NRF1: variants seen among roughly 807,000 people sequenced by gnomAD.
The protein encoded by NRF1 is alpha palindromic-binding protein.
Under a neutral mutation model 58.5 loss-of-function variants are expected in NRF1, and 5 were observed. That is an observed-to-expected ratio of 0.09 (90% CI 0.04 to 0.18). NRF1 has a LOEUF of 0.18. Ranked by LOEUF, NRF1 falls within the 10% of genes least tolerant of loss-of-function variation. The pLI is 1.00. For synonymous variants in NRF1, 224 were observed against 246.7 expected (o/e 0.91, Z 0.86); for missense variants, 288 against 657.7 (o/e 0.44, Z 6.15).
chr7:129,627,563 AG>A (rs1414738821), intron 1 of NRF1, among the ~76,000 whole-genome samples: 1 of 152,106 alleles, frequency 6.6e-6, no homozygotes, highest in African/African-American at 2.4e-5. Context: ...AGACCTTTGT[AG>A]GACTCCAAGT....
At chr7:129,705,112 G>T (rs1003178026) in intron 5 of NRF1, among the ~76,000 whole-genome samples, 2 of 152,128 alleles carry the variant, frequency 1.3e-5, no homozygotes, top group Non-Finnish European at 2.9e-5. Flanking sequence ...TACTGGAGAA[G>T]TTGCTGAAAA....
chr7:129,670,520 C>T (rs771153922), intron 2 of NRF1, among the ~76,000 whole-genome samples: 13 of 152,146 alleles, frequency 8.5e-5, no homozygotes, highest in Admixed American at 2.0e-4. Context: ...TTTAGGTTTA[C>T]AGGGAGGTTT....
chr7:129,733,398 T>C (rs1562987478), intron 10 of NRF1, among the ~76,000 whole-genome samples: 2 of 147,848 alleles, frequency 1.4e-5, no homozygotes, highest in South Asian at 2.1e-4. Flanking sequence ...ACCTGGGAGG[T>C]GGAGTTTGCA....
intron 1 of NRF1, among the ~76,000 whole-genome samples, chr7:129,634,339 G>A (rs1801124780): frequency 6.6e-6 from 1 of 151,996 alleles, no homozygotes; most frequent in South Asian, 2.1e-4. Context: ...GTCTCCTGGT[G>A]CTCCTGTCTT....
intron 2 of NRF1, among the ~76,000 whole-genome samples, chr7:129,669,349 T>TTATAAAA (rs1801994942): frequency 6.6e-6 from 1 of 152,088 alleles, no homozygotes; most frequent in Admixed American, 6.6e-5. Flanking sequence ...AAGAAAAAAA[T>TTATAAAA]TATAAAATAT....
At chr7:129,637,510 A>G (rs1314630977) in intron 1 of NRF1, among the ~76,000 whole-genome samples, 4 of 152,252 alleles carry the variant, frequency 2.6e-5, no homozygotes, top group African/African-American at 9.6e-5. Flanking sequence ...AAATAAATCT[A>G]TAAAGCAGAA....
At position 129,705,904 on chromosome 7, in the gene NRF1, G is replaced by A. The variant is rs116314796; in HGVS notation, c.607-3171G>A. ...TGCATTGAACTGTGATCATGCCACT[G>A]CACTCCAGCCTGGGCCACAGAGCAA... On this transcript the variant is annotated intron_variant, in intron 5 of 10. Coordinates refer to ENST00000393232, the MANE Select transcript of NRF1 (RefSeq NM_005011.5). 4.1e-3 allele frequency among the ~76,000 whole-genome samples: 617 copies of A among 152,208 alleles called. 3 individuals are homozygous for A. The highest frequency in any genetic ancestry group is 0.014 in the African/African-American group (586 of 41,552).
At chr7:129,725,135 T>G (rs535947724) in intron 9 of NRF1, among the ~76,000 whole-genome samples, 1 of 152,240 alleles carries the variant, frequency 6.6e-6, no homozygotes, top group South Asian at 2.1e-4. Flanking sequence ...AATAGGAAGT[T>G]TAATGGTCCA....
intron 1 of NRF1, among the ~76,000 whole-genome samples, chr7:129,624,477 T>C (rs1406373832): frequency 2.0e-5 from 3 of 152,202 alleles, no homozygotes; most frequent in African/African-American, 7.2e-5. Context: ...CTATCTAACA[T>C]TTTATAATTT....
intron 4 of NRF1, among the ~76,000 whole-genome samples, chr7:129,678,531 C>T (rs1481902304): frequency 6.6e-6 from 1 of 151,958 alleles, no homozygotes; most frequent in East Asian, 1.9e-4. Context: ...TCTTCCTGTC[C>T]CTGAAATGTT....
chr7:129,632,360 G>A (rs575576775), intron 1 of NRF1, among the ~76,000 whole-genome samples: 8 of 152,202 alleles, frequency 5.3e-5, no homozygotes, highest in South Asian at 4.1e-4. Flanking sequence ...GAAGAGATTA[G>A]GGTTAAGTCC....
intron 1 of NRF1, chr7:129,633,911 A>G (rs777719382): frequency 1.7e-4 from 25 of 151,488 alleles, no homozygotes; most frequent in Non-Finnish European, 2.5e-4. Context: ...ATTCAGCATT[A>G]TATAACGGCA....
chr7:129,750,360 G>A (rs1002562172), intron 10 of NRF1, among the ~76,000 whole-genome samples: 3 of 152,138 alleles, frequency 2.0e-5, no homozygotes, highest in Non-Finnish European at 2.9e-5. Context: ...CTTAGGGCAC[G>A]CTGGGTTTCC....
chr7:129,613,886 A>C (rs1246064950), intron 1 of NRF1, among the ~76,000 whole-genome samples: 1 of 151,956 alleles, frequency 6.6e-6, no homozygotes, highest in Admixed American at 6.6e-5. Context: ...GCGCCATTGC[A>C]CTCCAGCCCG....
chr7:129,744,171 A>G lies in NRF1; in HGVS notation c.1349-10847A>G, dbSNP rs1481307435. On this transcript the variant is annotated intron_variant, in intron 10 of 10. Coordinates refer to ENST00000393232, the MANE Select transcript of NRF1 (RefSeq NM_005011.5). ...TTTTTAACAGTTCTGTGTTATTGTC[A>G]GGCCTCTTTATGGCAGATCGTGCAG... 5 of 1,478,384 alleles carry G rather than the reference A, an allele frequency of 3.4e-6. No individual in the cohort carries two copies. The South Asian group carries it at 4.9e-5, about 14-fold the overall frequency. 91.6% of individuals were successfully genotyped at this position (1,478,384 alleles called of 1,614,324 possible).
rs145535963 is a variant in NRF1 at position 129,704,559 on chromosome 7, A to G, written c.607-4516A>G. On this transcript the variant is annotated intron_variant, in intron 5 of 10. Transcript: ENST00000393232. Reference sequence around the variant, plus strand: ...ATAGATTGAGTACCCCCTGCCTGAAATGTTTGGGACCAGAAGTACGTTGGA... The same window carrying G: ...ATAGATTGAGTACCCCCTGCCTGAAGTGTTTGGGACCAGAAGTACGTTGGA... Among the ~76,000 whole-genome samples the G allele has an allele frequency of 9.1e-3, 1,392 of 152,300 alleles. 22 individuals carry two copies. The highest frequency in any genetic ancestry group is 0.031 in the African/African-American group (1,300 of 41,550).
Position 129,619,484 on chromosome 7 carries a change from G to GTA in NRF1, c.-7+7661_-7+7662insAT, listed in dbSNP as rs1271593762. Among the ~76,000 whole-genome samples the GTA allele has an allele frequency of 6.7e-3, 457 of 68,460 alleles. 4 individuals carry two copies. The highest frequency in any genetic ancestry group is 0.018 in the Middle Eastern group (2 of 112). The allele number at this position is 68,460 out of a possible 152,430, so 44.9% of individuals were successfully genotyped here. On this transcript the variant is annotated intron_variant, in intron 1 of 10. Coordinates refer to ENST00000393232, the MANE Select transcript of NRF1 (RefSeq NM_005011.5). ...CGTGTGTGTGTGTGTGTGTGTGTGT[G>GTA]TGTGTGTATATATATATATATATAT...
chr7:129,613,579 C>CA (rs1232184058), intron 1 of NRF1, among the ~76,000 whole-genome samples: 22 of 150,252 alleles, frequency 1.5e-4, no homozygotes, highest in East Asian at 5.8e-4. Flanking sequence ...GGCCCATGAC[C>CA]AAAAAAAACA....
chr7:129,694,445 A>T (rs1584647475), intron 5 of NRF1, among the ~76,000 whole-genome samples: 1 of 151,738 alleles, frequency 6.6e-6, no homozygotes, highest in Non-Finnish European at 1.5e-5. Context: ...GCTCACTGCA[A>T]CCTCCGCCTT....
Sources: allele counts gnomAD v4.1 joint callset (sites outside exome capture counted in the v4.1 genomes callset), GRCh38; gene constraint gnomAD v4.1.1; transcripts MANE v1.5; gene names NCBI Gene and HGNC (gene_info 2026-07-23, HGNC 2026-07-21).